MPPED1: variants seen among roughly 807,000 people sequenced by gnomAD.
MPPED1 encodes the protein metallophosphoesterase domain-containing protein 1.
A neutral mutation model predicts 36.2 loss-of-function variants in MPPED1; 16 were observed. The observed-to-expected ratio is 0.44, with a 90% CI of 0.30 to 0.67. MPPED1 has a LOEUF of 0.67. Among genes scored for constraint, MPPED1 ranks in the 30% least tolerant of loss-of-function variants. The pLI is 0.10. For synonymous variants in MPPED1, 199 were observed against 191.3 expected (o/e 1.04, Z -0.33); for missense variants, 307 against 453.4 (o/e 0.68, Z 2.93).
chr22:43,427,413 G>A (rs550084953), intron 2 of MPPED1, among the ~76,000 whole-genome samples: 335 of 152,202 alleles, frequency 2.2e-3, no homozygotes, highest in Non-Finnish European at 4.1e-3. Flanking sequence ...GGGGCGGCAG[G>A]TCGGAGCCTG....
At chr22:43,435,745 T>A (rs1229174933) in intron 3 of MPPED1, among the ~76,000 whole-genome samples, 1 of 152,126 alleles carries the variant, frequency 6.6e-6, no homozygotes, top group African/African-American at 2.4e-5. Flanking sequence ...TAATCCCAGC[T>A]ACATCGGAGG....
chr22:43,417,132 T>A (rs747171187), intron 1 of MPPED1: 15 of 526,680 alleles, frequency 2.8e-5, no homozygotes, highest in African/African-American at 4.1e-5. Context: ...AATCATGTAG[T>A]CATAATTCAA....
chr22:43,474,341 CAGG>C lies in MPPED1; in HGVS notation c.407-394_407-392del, dbSNP rs903443519. ...CTGTCCAGCCTCTTCCCGATGATCT[CAGG>C]GGGCCGATGGCCAGTGGAGGCCTGG... On this transcript the variant is annotated intron_variant, in intron 3 of 6. Coordinates refer to ENST00000443721, the MANE Select transcript of MPPED1 (RefSeq NM_001044370.2). The surrounding 1 kb of genome is among the most constrained non-coding windows in gnomAD (Gnocchi z 5.2). Among the ~76,000 whole-genome samples the C allele has an allele frequency of 1.7e-4, 26 of 152,362 alleles. No homozygotes were observed. Among genetic ancestry groups the C allele is most frequent in the African/African-American group, 6.3e-4 (26 of 41,586 alleles).
intron 3 of MPPED1, among the ~76,000 whole-genome samples, chr22:43,436,300 C>A (rs1929957865): frequency 6.6e-6 from 1 of 152,188 alleles, no homozygotes; most frequent in Non-Finnish European, 1.5e-5. Flanking sequence ...CCTTCCTGCG[C>A]AGCCCCACGT....
At chr22:43,485,996 C>G (rs1051328984) in intron 4 of MPPED1, among the ~76,000 whole-genome samples, 2 of 152,250 alleles carry the variant, frequency 1.3e-5, no homozygotes, top group African/African-American at 4.8e-5. Context: ...CTCCCCCAGC[C>G]TTTGCCTGGG....
At chr22:43,463,807 T>TTTTC (rs695374) in intron 3 of MPPED1, among the ~76,000 whole-genome samples, 4,309 of 112,710 alleles carry the variant, frequency 0.038, 134 homozygotes, top group African/African-American at 0.039. Context: ...TCATTTTTTC[T>TTTTC]TTTCTTTCTT....
At chr22:43,426,881 G>A (rs942061809) in intron 2 of MPPED1, among the ~76,000 whole-genome samples, 1 of 152,244 alleles carries the variant, frequency 6.6e-6, no homozygotes, top group Non-Finnish European at 1.5e-5. Flanking sequence ...CGATTGGCGG[G>A]TTTGGGCAGG....
At chr22:43,445,582 A>C in intron 3 of MPPED1, among the ~76,000 whole-genome samples, 1 of 131,274 alleles carries the variant, frequency 7.6e-6, no homozygotes, top group Non-Finnish European at 1.6e-5. Context: ...TTTTTTGCAG[A>C]CAGGATCTCA....
chr22:43,459,076 T>G (rs1014557770), intron 3 of MPPED1, among the ~76,000 whole-genome samples: 8 of 152,156 alleles, frequency 5.3e-5, no homozygotes, highest in Non-Finnish European at 1.2e-4. Context: ...TCTTTTTTCT[T>G]TTTTTATTTT....
chr22:43,507,645 T>A lies in MPPED1; in HGVS notation c.*2029T>A, dbSNP rs1932832626. On this transcript the variant is annotated 3_prime_UTR_variant, in exon 7 of 7. Transcript: ENST00000443721. ...TTAAAAAAATTTTTTTCCTAAGGTA[T>A]CTTCAGAATATGGTGTATTTTTATG... 6.6e-6 allele frequency: 1 copy of A among 152,226 alleles called. No individual in the cohort carries two copies. The highest frequency in any genetic ancestry group is 2.1e-4 in the South Asian group (1 of 4,834). 9.4% of individuals were successfully genotyped at this position (152,226 alleles called of 1,614,324 possible).
intron 1 of MPPED1, among the ~76,000 whole-genome samples, chr22:43,413,744 C>T (rs899748963): frequency 4.6e-5 from 7 of 152,162 alleles, no homozygotes; most frequent in African/African-American, 1.4e-4. Context: ...AGATGGATTT[C>T]GGTGGAATGG....
chr22:43,445,716 A>G (rs1930314855), intron 3 of MPPED1, among the ~76,000 whole-genome samples: 1 of 151,728 alleles, frequency 6.6e-6, no homozygotes, highest in South Asian at 2.1e-4. Flanking sequence ...GACTACAGGC[A>G]TGCACCACCA....
intron 5 of MPPED1, among the ~76,000 whole-genome samples, chr22:43,501,509 C>T (rs749842359): frequency 2.6e-4 from 40 of 152,206 alleles, no homozygotes; most frequent in Admixed American, 1.4e-3. Context: ...TCGGGGCTGC[C>T]CATGTGCCAG....
rs55940103 is a variant in MPPED1, at chr22:43,421,079, C to G, written c.-78-3829C>G. Among the ~76,000 whole-genome samples the G allele has an allele frequency of 6.7e-3, 1,018 of 152,342 alleles. 3 individuals are homozygous for G. The highest frequency in any genetic ancestry group is 0.023 in the African/African-American group (974 of 41,590). On this transcript the variant is annotated intron_variant, in intron 1 of 6. Coordinates refer to ENST00000443721, the MANE Select transcript of MPPED1 (RefSeq NM_001044370.2). ...CTGAGAGCCAGGCTGGGAGCCCAGG[C>G]GGTCTCCCTGCGGCGGGTCCCGGGG...
intron 3 of MPPED1, among the ~76,000 whole-genome samples, chr22:43,463,574 T>TCG (rs1931031701): frequency 6.6e-6 from 1 of 152,148 alleles, no homozygotes; most frequent in South Asian, 2.1e-4. Context: ...TTCCTTGACT[T>TCG]CGTCTTCCCT....
At chr22:43,429,350 T>A (rs749081451) in intron 2 of MPPED1, among the ~76,000 whole-genome samples, 4 of 152,104 alleles carry the variant, frequency 2.6e-5, no homozygotes, top group Non-Finnish European at 5.9e-5. Context: ...GCAAAGCAGG[T>A]GGGGAGGACT....
chr22:43,446,536 G>A (rs1227620691), intron 3 of MPPED1, among the ~76,000 whole-genome samples: 1 of 152,216 alleles, frequency 6.6e-6, no homozygotes, highest in African/African-American at 2.4e-5. Flanking sequence ...TGAGTTGGGG[G>A]TGTTGACGGC....
chr22:43,505,706 G>A lies in MPPED1; in HGVS notation c.*90G>A, dbSNP rs1932796472. The A allele has an allele frequency of 6.7e-6, 8 of 1,200,778 alleles. No individual in the cohort carries two copies. The South Asian group carries it at 7.1e-5, about 11-fold the overall frequency. The allele number at this position is 1,200,778 out of a possible 1,614,324, so 74.4% of individuals were successfully genotyped here. Reference sequence around the variant, plus strand: ...TCCTTCCATGCTGAGTTGCCTGGACGACCCATCTGGCTGCGGGGACTGGCC... The same window carrying A: ...TCCTTCCATGCTGAGTTGCCTGGACAACCCATCTGGCTGCGGGGACTGGCC... On this transcript the variant is annotated 3_prime_UTR_variant, in exon 7 of 7. Coordinates refer to ENST00000443721, the MANE Select transcript of MPPED1 (RefSeq NM_001044370.2).
chr22:43,427,644 G>T (rs1006371928), intron 2 of MPPED1, among the ~76,000 whole-genome samples: 1 of 152,160 alleles, frequency 6.6e-6, no homozygotes, highest in Non-Finnish European at 1.5e-5. Flanking sequence ...TCACGCATTT[G>T]GGATGTCTGT....
Sources: gnomAD v4.1 joint callset for allele counts (sites outside exome capture counted in the v4.1 genomes callset) on GRCh38, gnomAD v4.1.1 for gene constraint, Gnocchi (gnomAD v3.1) non-coding constraint, MANE v1.5 for transcripts, NCBI Gene and HGNC (gene_info 2026-07-23, HGNC 2026-07-21) for gene names.